The following RABGAP1L variants were observed in gnomAD, a reference collection of about 807,000 sequenced individuals.
RABGAP1L encodes rab GTPase-activating protein 1-like.
Under a neutral mutation model 137.7 loss-of-function variants are expected in RABGAP1L, and 63 were observed. That is an observed-to-expected ratio of 0.46 (90% CI 0.37 to 0.56). The LOEUF (loss-of-function observed/expected upper bound fraction) is 0.56, where lower values mean the gene tolerates loss of function less well. RABGAP1L is among the 20% of genes least tolerant of loss of function. The pLI is 0.00. For missense variants in RABGAP1L, 1,095 were observed against 1,244.0 expected (o/e 0.88, Z 1.80); for synonymous variants, 431 against 433.7 (o/e 0.99, Z 0.08).
intron 18 of RABGAP1L, among the ~76,000 whole-genome samples, chr1:174,755,939 AT>A (rs916417749): frequency 1.3e-5 from 2 of 152,226 alleles, no homozygotes; most frequent in African/African-American, 2.4e-5. Context: ...ATTCAGATTC[AT>A]TCAAAACAAT....
At chr1:174,489,491 A>G (rs1212593587) in intron 13 of RABGAP1L, among the ~76,000 whole-genome samples, 1 of 152,028 alleles carries the variant, frequency 6.6e-6, no homozygotes, top group Non-Finnish European at 1.5e-5. Context: ...ACCATCTCAC[A>G]CCAGTTAGAA....
chr1:174,199,065 G>A (rs1003776755), intron 1 of RABGAP1L, among the ~76,000 whole-genome samples: 2 of 152,098 alleles, frequency 1.3e-5, no homozygotes, highest in South Asian at 2.1e-4. Flanking sequence ...CCAAGATTGC[G>A]CCATTGCACT....
intron 14 of RABGAP1L, among the ~76,000 whole-genome samples, chr1:174,666,413 A>G (rs963504247): frequency 1.3e-5 from 2 of 152,228 alleles, no homozygotes; most frequent in African/African-American, 4.8e-5. Flanking sequence ...TACTGAAAAA[A>G]TCGTGACAGT....
At chr1:174,419,835 A>G (rs914500188) in intron 13 of RABGAP1L, among the ~76,000 whole-genome samples, 5 of 152,308 alleles carry the variant, frequency 3.3e-5, no homozygotes, top group Admixed American at 2.6e-4. Flanking sequence ...GAAGCAGAAG[A>G]TGATTCTTTT....
chr1:174,843,384 C>A (rs1025034383), intron 19 of RABGAP1L, among the ~76,000 whole-genome samples: 33 of 151,544 alleles, frequency 2.2e-4, no homozygotes, highest in Admixed American at 3.9e-4. Flanking sequence ...CCTCTCCCCC[C>A]ACCCCACAAC....
At chr1:174,401,957 A>T (rs1406700484) in intron 13 of RABGAP1L, among the ~76,000 whole-genome samples, 1 of 152,142 alleles carries the variant, frequency 6.6e-6, no homozygotes, top group African/African-American at 2.4e-5. Context: ...GGCTGTAAGA[A>T]GTTCAGTATG....
chr1:174,229,133 A>G (rs1462855775), intron 3 of RABGAP1L, among the ~76,000 whole-genome samples: 1 of 152,140 alleles, frequency 6.6e-6, no homozygotes, highest in African/African-American at 2.4e-5. Flanking sequence ...GAATACTTAT[A>G]TAGTTCATTA....
At chr1:174,271,531 G>C (rs1481947871) in intron 7 of RABGAP1L, among the ~76,000 whole-genome samples, 1 of 152,072 alleles carries the variant, frequency 6.6e-6, no homozygotes, top group East Asian at 1.9e-4. Context: ...GTGGGTATGT[G>C]TTGTTGGCAG....
rs555137337 is a variant in RABGAP1L at position 174,670,882 on chromosome 1, T to A, written c.1825-12640T>A. Among the ~76,000 whole-genome samples, 9 of 152,284 alleles carry A rather than the reference T, an allele frequency of 5.9e-5. 1 individual carries two copies. The highest frequency in any genetic ancestry group is 2.2e-4 in the African/African-American group (9 of 41,574). ...TAGTGCAGATATCTCTTCAATATACTCATTTCCTTTCTTTTGGTTATACCT... is the reference window on the plus strand; with the variant it reads ...TAGTGCAGATATCTCTTCAATATACACATTTCCTTTCTTTTGGTTATACCT... On this transcript the variant is annotated intron_variant, in intron 14 of 25. Coordinates refer to ENST00000681986, the MANE Select transcript of RABGAP1L (RefSeq NM_001366446.1).
intron 18 of RABGAP1L, among the ~76,000 whole-genome samples, chr1:174,769,491 C>A (rs1202384229): frequency 6.6e-6 from 1 of 152,274 alleles, no homozygotes; most frequent in South Asian, 2.1e-4. Flanking sequence ...ACAATCACGT[C>A]CACACCATAG....
chr1:174,561,940 G>A (rs938785937), intron 13 of RABGAP1L, among the ~76,000 whole-genome samples: 2 of 152,002 alleles, frequency 1.3e-5, no homozygotes, highest in African/African-American at 4.8e-5. Context: ...AGGAAATAGG[G>A]GTGGGCAAAG....
chr1:174,921,132 C>A (rs1343270667), intron 19 of RABGAP1L, among the ~76,000 whole-genome samples: 1 of 152,098 alleles, frequency 6.6e-6, no homozygotes, highest in African/African-American at 2.4e-5. Context: ...ACCATGTTGG[C>A]CAGGCTGGTC....
intron 13 of RABGAP1L, among the ~76,000 whole-genome samples, chr1:174,465,320 C>T (rs1163515081): frequency 1.3e-5 from 2 of 152,222 alleles, no homozygotes; most frequent in African/African-American, 4.8e-5. Flanking sequence ...CTGCCTCAGC[C>T]TCCAGAGTAG....
chr1:174,366,514 A>G (rs1287687380), intron 11 of RABGAP1L, among the ~76,000 whole-genome samples: 1 of 152,130 alleles, frequency 6.6e-6, no homozygotes, highest in Non-Finnish European at 1.5e-5. Flanking sequence ...TCATGCCTGT[A>G]ATCCCAGCAC....
intron 1 of RABGAP1L, among the ~76,000 whole-genome samples, chr1:174,176,732 A>ATAAAAT (rs1293638994): frequency 7.2e-6 from 1 of 137,998 alleles, no homozygotes. Flanking sequence ...AAAAAAAAAA[A>ATAAAAT]AAAAAAAAAA....
chr1:174,622,190 A>G (rs543410009), intron 13 of RABGAP1L, among the ~76,000 whole-genome samples: 1 of 152,334 alleles, frequency 6.6e-6, no homozygotes, highest in Non-Finnish European at 1.5e-5. Context: ...TGATCATTAA[A>G]AAGTCAGGAA....
At chr1:174,760,458 C>A (rs899428102) in intron 18 of RABGAP1L, among the ~76,000 whole-genome samples, 1 of 152,124 alleles carries the variant, frequency 6.6e-6, no homozygotes, top group Non-Finnish European at 1.5e-5. Flanking sequence ...TAGTTTGCTT[C>A]GGATGATGGC....
chr1:174,395,518 G>A (rs924212141), intron 13 of RABGAP1L, among the ~76,000 whole-genome samples: 1 of 151,986 alleles, frequency 6.6e-6, no homozygotes, highest in African/African-American at 2.4e-5. Flanking sequence ...AAACACCTCT[G>A]TGATTTTTTT....
rs187095862 is a variant in RABGAP1L at position 174,168,507 on chromosome 1, C to A, written c.-34+8850C>A. ...TGAACTGTATTCTTTCATTTTAAAT[C>A]TCTCATATTTGCCCTGAAGTCAGTG... is the stretch of plus-strand genomic sequence containing the variant. On this transcript the variant is annotated intron_variant, in intron 1 of 25. Transcript: ENST00000681986. 1.7e-4 allele frequency among the ~76,000 whole-genome samples: 26 copies of A among 151,750 alleles called. No homozygotes were observed. The East Asian group carries it at 4.1e-3, about 24-fold the overall frequency.
Sources: allele counts gnomAD v4.1 joint callset (sites outside exome capture counted in the v4.1 genomes callset), GRCh38; gene constraint gnomAD v4.1.1; transcripts MANE v1.5; gene names NCBI Gene and HGNC (gene_info 2026-07-23, HGNC 2026-07-21).